Variants in CHRM3 observed in about 807,000 individuals in gnomAD.
CHRM3 encodes the protein cholinergic receptor muscarinic 3, also known as muscarinic acetylcholine receptor M3.
A neutral mutation model predicts 41.8 loss-of-function variants in CHRM3; 11 were observed. The observed-to-expected ratio is 0.26, with a 90% CI of 0.17 to 0.44. CHRM3 has a LOEUF of 0.44. Among genes scored for constraint, CHRM3 ranks in the 20% least tolerant of loss-of-function variants. The pLI is 1.00. For missense variants in CHRM3, 571 were observed against 745.4 expected, an observed-to-expected ratio of 0.77 and a Z score of 2.72; for synonymous variants, 297 against 301.4, an observed-to-expected ratio of 0.99 and a Z score of 0.15.
At chr1:239,875,432 A>G (rs192755235) in intron 6 of CHRM3, among the ~76,000 whole-genome samples, 102 of 152,380 alleles carry the variant, frequency 6.7e-4, no homozygotes, top group African/African-American at 2.4e-3. Flanking sequence ...GTGTATGGAT[A>G]TGGAAATTTG....
rs1558196562 is a variant in CHRM3 at position 239,404,731 on chromosome 1, TA to T, written c.-521+17505del. Among the ~76,000 whole-genome samples the T allele has an allele frequency of 1.8e-4, 23 of 125,168 alleles. No individual in the cohort carries two copies. In the East Asian group the frequency reaches 4.9e-3, roughly 27 times the overall value. The allele number at this position is 125,168 out of a possible 152,430, so 82.1% of individuals were successfully genotyped here. On this transcript the variant is annotated intron_variant, in intron 1 of 6. Transcript: ENST00000676153. ...CATGCTATATCTAAATATATATATA[TA>T]TATATATATATATATATATATATAT...
intron 1 of CHRM3, among the ~76,000 whole-genome samples, chr1:239,438,464 C>T (rs1459120474): frequency 6.6e-6 from 1 of 152,230 alleles, no homozygotes; most frequent in Non-Finnish European, 1.5e-5. Flanking sequence ...CCACTGACAT[C>T]TCTCTGCTTT....
chr1:239,750,828 C>G (rs1473559609), intron 5 of CHRM3, among the ~76,000 whole-genome samples: 2 of 152,198 alleles, frequency 1.3e-5, no homozygotes, highest in East Asian at 3.9e-4. Context: ...GCCCAATTTG[C>G]AAATCATTCT....
At chr1:239,552,223 T>C (rs1659900997) in intron 3 of CHRM3, among the ~76,000 whole-genome samples, 1 of 65,916 alleles carries the variant, frequency 1.5e-5, no homozygotes, top group African/African-American at 3.5e-5. Context: ...ATTATATATG[T>C]ATAGATGATA....
chr1:239,687,328 C>T (rs761833995), intron 5 of CHRM3, among the ~76,000 whole-genome samples: 1 of 152,038 alleles, frequency 6.6e-6, no homozygotes, highest in Non-Finnish European at 1.5e-5. Flanking sequence ...AGAGATTATT[C>T]ATTAGCATGC....
At chr1:239,631,428 A>C (rs1669822775) in intron 3 of CHRM3, among the ~76,000 whole-genome samples, 1 of 152,098 alleles carries the variant, frequency 6.6e-6, no homozygotes, top group Non-Finnish European at 1.5e-5. Context: ...ATGCTGTGCA[A>C]ACTTCAAGGT....
chr1:239,902,894 C>T (rs943126802), intron 6 of CHRM3, among the ~76,000 whole-genome samples: 4 of 152,258 alleles, frequency 2.6e-5, no homozygotes, highest in South Asian at 4.1e-4. Flanking sequence ...TCATACTGCA[C>T]ATCTATTGCA....
At position 239,413,574 on chromosome 1, in the gene CHRM3, C is replaced by A. The variant is rs142968476; in HGVS notation, c.-521+26347C>A. 9.1e-4 allele frequency among the ~76,000 whole-genome samples: 139 copies of A among 152,306 alleles called. 1 individual carries two copies. Among genetic ancestry groups the A allele is most frequent in the African/African-American group, 3.2e-3 (131 of 41,572 alleles). ...AATTGCTGGGATTACAGGCGTGAGC[C>A]ACCACACCTGGCCACCTTTTAGTAG... is the stretch of plus-strand genomic sequence containing the variant. On this transcript the variant is annotated intron_variant, in intron 1 of 6. Transcript: ENST00000676153.
intron 1 of CHRM3, among the ~76,000 whole-genome samples, chr1:239,393,877 C>T (rs1558187163): frequency 6.6e-6 from 1 of 152,106 alleles, no homozygotes; most frequent in Non-Finnish European, 1.5e-5. Flanking sequence ...ATAATAAATA[C>T]ATGTTTGAGT....
chr1:239,817,050 A>G (rs1371676106), intron 5 of CHRM3, among the ~76,000 whole-genome samples: 3 of 152,098 alleles, frequency 2.0e-5, no homozygotes, highest in African/African-American at 7.2e-5. Context: ...TAAACTAGGG[A>G]TGATATTAGC....
intron 5 of CHRM3, among the ~76,000 whole-genome samples, chr1:239,798,726 GTTC>G (rs1237723382): frequency 2.0e-5 from 3 of 152,160 alleles, no homozygotes; most frequent in African/African-American, 7.2e-5. Context: ...AGAAAGAAAA[GTTC>G]TTCTAGGCTT....
Position 239,822,900 on chromosome 1 carries a change from G to T in CHRM3, c.-146-4352G>T, listed in dbSNP as rs1404272426. Among the ~76,000 whole-genome samples, 5 of 152,160 alleles carry T rather than the reference G, an allele frequency of 3.3e-5. No homozygotes were observed. The East Asian group carries it at 7.7e-4, about 23-fold the overall frequency. On this transcript the variant is annotated intron_variant, in intron 5 of 6. Coordinates refer to ENST00000676153, the MANE Select transcript of CHRM3 (RefSeq NM_001375978.1). ...AAATGTTATAGGAGGAAACATAAAA[G>T]ATATGTGTTGAGACCCAAATCCAGC... is the stretch of plus-strand genomic sequence containing the variant.
At chr1:239,436,115 G>T (rs1196336273) in intron 1 of CHRM3, among the ~76,000 whole-genome samples, 1 of 152,194 alleles carries the variant, frequency 6.6e-6, no homozygotes, top group African/African-American at 2.4e-5. Flanking sequence ...GTGTGCATGT[G>T]TATGCTCATG....
intron 5 of CHRM3, among the ~76,000 whole-genome samples, chr1:239,817,134 G>C (rs1199771008): frequency 6.6e-6 from 1 of 152,106 alleles, no homozygotes; most frequent in East Asian, 1.9e-4. Context: ...TGCCTCCTAA[G>C]GGTTTACTAT....
chr1:239,531,833 G>T (rs1268772427), intron 2 of CHRM3, among the ~76,000 whole-genome samples: 2 of 148,978 alleles, frequency 1.3e-5, no homozygotes, highest in East Asian at 4.0e-4. Flanking sequence ...CTAATTTTTT[G>T]TATTTTTAAT....
intron 6 of CHRM3, among the ~76,000 whole-genome samples, chr1:239,843,715 C>T (rs868409202): frequency 7.0e-4 from 107 of 152,058 alleles, no homozygotes; most frequent in African/African-American, 2.5e-3. Context: ...GCATGTTCTT[C>T]CCCCCAGAAA....
chr1:239,405,662 T>A (rs1305590281), intron 1 of CHRM3, among the ~76,000 whole-genome samples: 1 of 152,110 alleles, frequency 6.6e-6, no homozygotes, highest in Non-Finnish European at 1.5e-5. Context: ...TTTTTGCCAG[T>A]AGATGGCAGA....
chr1:239,470,088 G>A (rs1666013209), intron 1 of CHRM3, among the ~76,000 whole-genome samples: 1 of 152,144 alleles, frequency 6.6e-6, no homozygotes, highest in Non-Finnish European at 1.5e-5. Flanking sequence ...AAGATGTTGA[G>A]ATGAGATCAT....
At chr1:239,397,627 G>A (rs1017220469) in intron 1 of CHRM3, among the ~76,000 whole-genome samples, 3 of 151,120 alleles carry the variant, frequency 2.0e-5, no homozygotes, top group East Asian at 2.0e-4. Context: ...AGCGGAGATC[G>A]TGCCACTGCA....
Sources: gnomAD v4.1 joint callset for allele counts (sites outside exome capture counted in the v4.1 genomes callset) on GRCh38, gnomAD v4.1.1 for gene constraint, MANE v1.5 for transcripts, NCBI Gene and HGNC (gene_info 2026-07-23, HGNC 2026-07-21) for gene names.